The following RANBP2 variants were observed in gnomAD, a reference collection of about 807,000 sequenced individuals.
RANBP2 encodes the protein E3 SUMO-protein ligase RanBP2.
RANBP2 carries 57 observed loss-of-function variants against 303.6 expected under a neutral mutation model. The observed-to-expected ratio is 0.19, with a 90% confidence interval of 0.15 to 0.23. RANBP2 has a LOEUF of 0.23. RANBP2 is among the 10% of genes least tolerant of loss of function. The pLI is 1.00. For synonymous variants in RANBP2, 1,167 were observed against 1,301.5 expected, an observed-to-expected ratio of 0.90 and a Z score of 2.23; for missense variants, 3,138 against 3,780.8, an observed-to-expected ratio of 0.83 and a Z score of 4.46.
chr2:108,869,832 A>C, the RANBP2 span, among the ~76,000 whole-genome samples: 1 of 152,178 alleles, frequency 6.6e-6, no homozygotes, highest in Non-Finnish European at 1.5e-5. Flanking sequence ...TCAGTCTTCA[A>C]AGACTGGGAG....
the RANBP2 span, among the ~76,000 whole-genome samples, chr2:109,474,296 CAGTT>C: frequency 1.8e-3 from 278 of 152,238 alleles, no homozygotes; most frequent in African/African-American, 6.5e-3. Flanking sequence ...TTGAGCCGGA[CAGTT>C]AGTTATGTGT....
chr2:109,195,468 C>T, the RANBP2 span, among the ~76,000 whole-genome samples: 1 of 149,856 alleles, frequency 6.7e-6, no homozygotes, highest in Non-Finnish European at 1.5e-5. Context: ...CCCACCCCTT[C>T]TTGGCCTTGC....
the RANBP2 span, among the ~76,000 whole-genome samples, chr2:109,400,472 T>C: frequency 1.3e-5 from 2 of 152,024 alleles, no homozygotes; most frequent in Admixed American, 6.6e-5. Flanking sequence ...CATACACATG[T>C]GCACACACAT....
the RANBP2 span, among the ~76,000 whole-genome samples, chr2:109,237,705 G>C: frequency 6.6e-6 from 1 of 152,084 alleles, no homozygotes; most frequent in East Asian, 1.9e-4. Flanking sequence ...ACAAAAGATT[G>C]GACACTCCTA....
At chr2:109,056,524 C>A in the RANBP2 span, among the ~76,000 whole-genome samples, 1 of 152,162 alleles carries the variant, frequency 6.6e-6, no homozygotes, top group Non-Finnish European at 1.5e-5. Context: ...TCAAAGCATC[C>A]TCCTGATTGA....
chr2:109,327,521 C>T, the RANBP2 span, among the ~76,000 whole-genome samples: 4 of 152,096 alleles, frequency 2.6e-5, no homozygotes, highest in Admixed American at 6.6e-5. Flanking sequence ...TTGAAAATCC[C>T]GTCGAGATTT....
At chr2:108,873,147 T>C in the RANBP2 span, among the ~76,000 whole-genome samples, 1 of 152,210 alleles carries the variant, frequency 6.6e-6, no homozygotes. Context: ...ACTGAACTTA[T>C]TGTTACGAAC....
the RANBP2 span, among the ~76,000 whole-genome samples, chr2:109,584,636 A>C: frequency 6.6e-6 from 1 of 152,180 alleles, no homozygotes; most frequent in East Asian, 1.9e-4. Context: ...TATTAAAACA[A>C]ATAGAGACAC....
the RANBP2 span, among the ~76,000 whole-genome samples, chr2:109,701,552 C>T: frequency 6.6e-6 from 1 of 152,042 alleles, no homozygotes; most frequent in Non-Finnish European, 1.5e-5. Flanking sequence ...ACTGAATACG[C>T]AATTTAGTCT....
At chr2:109,102,963 CA>C in the RANBP2 span, among the ~76,000 whole-genome samples, 2 of 152,150 alleles carry the variant, frequency 1.3e-5, no homozygotes, top group Non-Finnish European at 2.9e-5. Context: ...CTGAGAGTCT[CA>C]TAAAACACTC....
the RANBP2 span, among the ~76,000 whole-genome samples, chr2:109,206,446 G>A: frequency 4.8e-4 from 67 of 139,114 alleles, no homozygotes; most frequent in South Asian, 1.8e-3. Context: ...AACCAACATC[G>A]TGCCACCGCA....
At chr2:108,798,627 CT>C in the RANBP2 span, 1 of 1,465,660 alleles carries the variant, frequency 6.8e-7, no homozygotes. Flanking sequence ...TATATTTCTT[CT>C]TTTCTTCTTA....
the RANBP2 span, among the ~76,000 whole-genome samples, chr2:109,715,362 G>T: frequency 6.6e-6 from 1 of 152,040 alleles, no homozygotes; most frequent in Non-Finnish European, 1.5e-5. Context: ...CCTGCCTCAA[G>T]CTCCCAAAGT....
chr2:109,069,441 C>T, the RANBP2 span, among the ~76,000 whole-genome samples: 1 of 152,248 alleles, frequency 6.6e-6, no homozygotes, highest in African/African-American at 2.4e-5. Context: ...TGCTTCCTTC[C>T]TCACTCGTGA....
chr2:109,499,357 G>A, the RANBP2 span, among the ~76,000 whole-genome samples: 1 of 152,218 alleles, frequency 6.6e-6, no homozygotes. Context: ...TTTTTAGGCA[G>A]AGAGAATAGC....
the RANBP2 span, among the ~76,000 whole-genome samples, chr2:109,131,798 T>C: frequency 6.6e-6 from 1 of 152,254 alleles, no homozygotes; most frequent in Non-Finnish European, 1.5e-5. Context: ...TGACTTTCTT[T>C]ATGGGTGCAT....
chr2:109,305,470 A>G, the RANBP2 span, among the ~76,000 whole-genome samples: 5 of 152,226 alleles, frequency 3.3e-5, no homozygotes, highest in South Asian at 8.3e-4. Context: ...CTGGAGGCTC[A>G]AGGAGCACCT....
At chr2:109,189,241 C>T in the RANBP2 span, among the ~76,000 whole-genome samples, 61 of 151,720 alleles carry the variant, frequency 4.0e-4, 1 homozygote, top group Non-Finnish European at 7.5e-4. Flanking sequence ...AAGGAGGTGG[C>T]GTGAGGTCTG....
At chr2:109,417,669 TAG>T in the RANBP2 span, among the ~76,000 whole-genome samples, 3 of 152,142 alleles carry the variant, frequency 2.0e-5, no homozygotes, top group Non-Finnish European at 2.9e-5. Context: ...GGAGTTACCC[TAG>T]AGACACCAAG....
Sources: gnomAD v4.1 joint callset for allele counts (sites outside exome capture counted in the v4.1 genomes callset) on GRCh38, gnomAD v4.1.1 for gene constraint, MANE v1.5 for transcripts, NCBI Gene and HGNC (gene_info 2026-07-23, HGNC 2026-07-21) for gene names.